The following RFTN1 variants were observed in gnomAD, a reference collection of about 807,000 sequenced individuals.
The protein encoded by RFTN1 is raftlin.
In RFTN1, 26 loss-of-function variants were observed where a neutral mutation model predicts 46.5. That is an observed-to-expected ratio of 0.56 (90% CI 0.41 to 0.78). RFTN1 has a LOEUF of 0.78. Ranked by LOEUF, RFTN1 falls within the 30% of genes least tolerant of loss-of-function variation. The pLI, the probability that RFTN1 is intolerant of heterozygous loss-of-function variation, is 0.00. For missense variants in RFTN1, 693 were observed against 718.7 expected (o/e 0.96, Z 0.41); for synonymous variants, 261 against 284.2 (o/e 0.92, Z 0.82).
intron 3 of RFTN1, among the ~76,000 whole-genome samples, chr3:16,432,791 A>G (rs2075418256): frequency 6.6e-6 from 1 of 152,222 alleles, no homozygotes; most frequent in Non-Finnish European, 1.5e-5. Flanking sequence ...AAAAACATGC[A>G]CCACCTTTCA....
chr3:16,368,443 G>A (rs769875222), intron 6 of RFTN1, among the ~76,000 whole-genome samples: 2 of 152,200 alleles, frequency 1.3e-5, no homozygotes, highest in Non-Finnish European at 2.9e-5. Flanking sequence ...AGGCCAAGGC[G>A]GGTGGATCAC....
intron 6 of RFTN1, among the ~76,000 whole-genome samples, chr3:16,364,494 G>T (rs1460195023): frequency 6.6e-6 from 1 of 152,026 alleles, no homozygotes; most frequent in African/African-American, 2.4e-5. Context: ...TGCTAGACAG[G>T]CTAGGTTTCT....
rs1369200538 is a variant in RFTN1 at position 16,403,865 on chromosome 3, ATAT to A, written c.441+5507_441+5509del. Among the ~76,000 whole-genome samples the A allele has an allele frequency of 5.9e-3, 14 of 2,366 alleles. 3 individuals carry two copies. In the African/African-American group the frequency reaches 0.071, roughly 12 times the overall value. 1.6% of individuals were successfully genotyped at this position (2,366 alleles called of 152,430 possible). A position where few individuals can be genotyped will look rare whatever the true frequency, so the allele number is the denominator to read the frequency against. ...ATATAATATATATTTTATATATATT[ATAT>A]TATATTTATATATATATATAATATA... On this transcript the variant is annotated intron_variant, in intron 4 of 9. Transcript: ENST00000334133.
At position 16,362,822 on chromosome 3, in the gene RFTN1, C is replaced by T. The variant is rs114988729; in HGVS notation, c.1031-4775G>A. On this transcript the variant is annotated intron_variant, in intron 6 of 9. Coordinates refer to ENST00000334133, the MANE Select transcript of RFTN1 (RefSeq NM_015150.2). ...CTGCCCATGGCGAGCATGGCAGAGC[C>T]GAGGTCCAGAAGAGGGAAGGGGACA... 3.8e-3 allele frequency among the ~76,000 whole-genome samples: 571 copies of T among 152,246 alleles called. 1 individual carries two copies. The highest frequency in any genetic ancestry group is 0.012 in the African/African-American group (518 of 41,548).
rs1193108168 is a variant in RFTN1, at chr3:16,468,945, A to T, written c.145+24780T>A. Among the ~76,000 whole-genome samples, 3 of 152,226 alleles carry T rather than the reference A, an allele frequency of 2.0e-5. No homozygotes were observed. Among genetic ancestry groups the T allele is most frequent in the Non-Finnish European group, 2.9e-5 (2 of 68,032 alleles). ...TTCTTCACTGCCAAAAGGCCAATCC[A>T]TTCCCCCCATCACTCAGCCTGCCTG... On this transcript the variant is annotated intron_variant, in intron 2 of 9. Transcript: ENST00000334133. The surrounding 1 kb of genome is among the most constrained non-coding windows in gnomAD (Gnocchi z 4.4).
Position 16,509,198 on chromosome 3 carries a change from AAAC to A in RFTN1, c.-9+4241_-9+4243del, listed in dbSNP as rs2076859195. Among the ~76,000 whole-genome samples the A allele has an allele frequency of 6.6e-6, 1 of 152,016 alleles. No individual in the cohort carries two copies. Among genetic ancestry groups the A allele is most frequent in the Non-Finnish European group, 1.5e-5 (1 of 68,034 alleles). On this transcript the variant is annotated intron_variant, in intron 1 of 9. Transcript: ENST00000334133. The surrounding 1 kb of genome is among the most constrained non-coding windows in gnomAD (Gnocchi z 4.9). The stretch of plus-strand genomic sequence containing the variant: ...AGCTTAAGACAAAATGAAAACAAAC[AAAC>A]AACAACAAAAAAAAACTAAAGAAAA...
Position 16,434,459 on chromosome 3 carries a change from T to C in RFTN1, c.146-422A>G, listed in dbSNP as rs1180854898. On this transcript the variant is annotated intron_variant, in intron 2 of 9. Transcript: ENST00000334133. ...GTCCTGGCTACTCAGGAGGCTGAGG[T>C]GGGAAGATCGCTTGAGCTGGAAATG... Among the ~76,000 whole-genome samples, 9 of 151,210 alleles carry C rather than the reference T, an allele frequency of 6.0e-5. No homozygotes were observed. The East Asian group carries it at 1.6e-3, about 26-fold the overall frequency.
At chr3:16,508,691 C>T (rs1015135073) in intron 1 of RFTN1, among the ~76,000 whole-genome samples, 26 of 62,026 alleles carry the variant, frequency 4.2e-4, no homozygotes, top group Admixed American at 2.8e-3. Context: ...AAAGATCACA[C>T]GCACGCACAC....
In RFTN1 at chr3:16,433,926, A is replaced by C; in HGVS notation, c.257T>G (p.Val86Gly). The change falls in exon 3 of 10, where the codon GTG becomes GGG. Residue 86 changes from valine (V) to glycine (G), a missense_variant. By Grantham distance (109) the Val-to-Gly change is moderately radical. Transcript: ENST00000334133. This position sits in a 1 kb window ranked among gnomAD's most constrained non-coding sequence, Gnocchi z 4.4. ...GFSLAALHPFVQPTHEREKTP... is the reference protein window; with the variant it reads ...GFSLAALHPFGQPTHEREKTP... ...CTTCTCCCGCTCATGGGTGGGCTGCACGAAGGGGTGCAGGGCCGCCAGCGA... is the reference window on the plus strand; with the variant it reads ...CTTCTCCCGCTCATGGGTGGGCTGCCCGAAGGGGTGCAGGGCCGCCAGCGA... 6.2e-7 allele frequency: 1 copy of C among 1,614,198 alleles called. No individual in the cohort carries two copies. The highest frequency in any genetic ancestry group is 1.1e-5 in the South Asian group (1 of 91,084).
chr3:16,416,674 G>C (rs1015894883), intron 3 of RFTN1, among the ~76,000 whole-genome samples: 3 of 152,114 alleles, frequency 2.0e-5, no homozygotes, highest in African/African-American at 7.2e-5. Context: ...AACTGAACAA[G>C]TCCATGGAAA....
intron 4 of RFTN1, among the ~76,000 whole-genome samples, chr3:16,404,133 A>T (rs192737726): frequency 0.23 from 167 of 712 alleles, 23 homozygotes; most frequent in South Asian, 0.33. Flanking sequence ...TTTATATATA[A>T]TATATAATAT....
rs1317488129 is a variant in RFTN1, at chr3:16,382,237, G to A, written c.442-4135C>T. 3.3e-5 allele frequency among the ~76,000 whole-genome samples: 5 copies of A among 152,140 alleles called. No individual in the cohort carries two copies. The highest frequency in any genetic ancestry group is 3.9e-4 in the East Asian group (2 of 5,194). ...CCAAGTTGTTTACCAAAAAGGGTGCGTAGTCCTTTTTAACTAGACGACCAC... is the reference window on the plus strand; with the variant it reads ...CCAAGTTGTTTACCAAAAAGGGTGCATAGTCCTTTTTAACTAGACGACCAC... On this transcript the variant is annotated intron_variant, in intron 4 of 9. Transcript: ENST00000334133. This position sits in a 1 kb window ranked among gnomAD's most constrained non-coding sequence, Gnocchi z 4.7.
rs1220313211 is a variant in RFTN1, at chr3:16,321,708, A to G, written c.1332+1668T>C. Reference sequence around the variant, plus strand: ...GCAGGAAATAATTAGGTACATGGAAAGAGAAAGCAGTCCACCCAGATGAGT... The same window carrying G: ...GCAGGAAATAATTAGGTACATGGAAGGAGAAAGCAGTCCACCCAGATGAGT... On this transcript the variant is annotated intron_variant, in intron 9 of 9. Transcript: ENST00000334133. The surrounding 1 kb of genome is among the most constrained non-coding windows in gnomAD (Gnocchi z 4.8). Among the ~76,000 whole-genome samples, 4 of 152,220 alleles carry G rather than the reference A, an allele frequency of 2.6e-5. No individual in the cohort carries two copies. The highest frequency in any genetic ancestry group is 9.6e-5 in the African/African-American group (4 of 41,456).
At chr3:16,502,248 C>A (rs1056298310) in intron 1 of RFTN1, among the ~76,000 whole-genome samples, 3 of 152,000 alleles carry the variant, frequency 2.0e-5, no homozygotes, top group African/African-American at 7.2e-5. Flanking sequence ...CAGGTCCCAG[C>A]TACTCGGGAG....
chr3:16,406,339 C>A (rs2074855411), intron 4 of RFTN1, among the ~76,000 whole-genome samples: 2 of 152,158 alleles, frequency 1.3e-5, no homozygotes, highest in Admixed American at 1.3e-4. Flanking sequence ...GCAATGACAG[C>A]GAGAAATGCT....
At position 16,353,024 on chromosome 3, in the gene RFTN1, C is replaced by T. The variant is rs186896855; in HGVS notation, c.1146+4908G>A. ...ATTGGAATGGCACATCTACACAGAGCTGAGGGATCAGCACAGGAGGAGGAA... is the reference window on the plus strand; with the variant it reads ...ATTGGAATGGCACATCTACACAGAGTTGAGGGATCAGCACAGGAGGAGGAA... On this transcript the variant is annotated intron_variant, in intron 7 of 9. Transcript: ENST00000334133. This position sits in a 1 kb window ranked among gnomAD's most constrained non-coding sequence, Gnocchi z 5.4. Among the ~76,000 whole-genome samples, 13 of 152,208 alleles carry T rather than the reference C, an allele frequency of 8.5e-5. No individual in the cohort carries two copies. The East Asian group carries it at 2.5e-3, about 29-fold the overall frequency.
At chr3:16,326,654 A>C in intron 8 of RFTN1, 119 bp downstream of exon 8, 1 of 741,104 alleles carries the variant, frequency 1.3e-6, no homozygotes. Context: ...GAGAGTTTAC[A>C]TAACTACCAG....
chr3:16,431,932 T>C (rs1428562889), intron 3 of RFTN1, among the ~76,000 whole-genome samples: 1 of 152,194 alleles, frequency 6.6e-6, no homozygotes, highest in Non-Finnish European at 1.5e-5. Context: ...GGAGACAGCC[T>C]TCCTGGGAGC....
intron 2 of RFTN1, among the ~76,000 whole-genome samples, chr3:16,486,568 TGCCTGACTAACA>T (rs1227979293): frequency 2.6e-5 from 4 of 152,352 alleles, no homozygotes; most frequent in African/African-American, 9.6e-5. Context: ...TCCCATCTTT[TGCCTGACTAACA>T]GCCAACTGTC....
Sources: gnomAD v4.1 joint callset for allele counts (sites outside exome capture counted in the v4.1 genomes callset) on GRCh38, gnomAD v4.1.1 for gene constraint, Gnocchi (gnomAD v3.1) non-coding constraint, MANE v1.5 for transcripts, NCBI Gene and HGNC (gene_info 2026-07-23, HGNC 2026-07-21) for gene names.